HCK: variants seen among roughly 807,000 people sequenced by gnomAD.
HCK encodes the protein HCK proto-oncogene, Src family tyrosine kinase, also known as tyrosine-protein kinase HCK.
Under a neutral mutation model 70.4 loss-of-function variants are expected in HCK, and 40 were observed. That is an observed-to-expected ratio of 0.57 (90% CI 0.44 to 0.74). The LOEUF (loss-of-function observed/expected upper bound fraction) is 0.74, where lower values mean the gene tolerates loss of function less well. Ranked by LOEUF, HCK falls within the 30% of genes least tolerant of loss-of-function variation. The pLI, the probability that HCK is intolerant of heterozygous loss-of-function variation, is 0.00. For missense variants in HCK, 568 were observed against 697.2 expected (o/e 0.81, Z 2.09); for synonymous variants, 245 against 263.2 (o/e 0.93, Z 0.67).
intron 1 of HCK, among the ~76,000 whole-genome samples, chr20:32,053,036 GGCCCCAGACCACACT>G (rs534899838): frequency 1.1e-3 from 172 of 152,220 alleles, no homozygotes; most frequent in African/African-American, 4.0e-3. Context: ...CAAACCTCCT[GGCCCCAGACCACACT>G]GCATGCATGC....
chr20:32,094,811 A>AGGAAAGAAAGAAAGAGAGAGAAAG (rs1569010819), intron 11 of HCK, among the ~76,000 whole-genome samples: 1 of 121,934 alleles, frequency 8.2e-6, no homozygotes, highest in Admixed American at 9.4e-5. Flanking sequence ...GAAAGAAAGA[A>AGGAAAGAAAGAAAGAGAGAGAAAG]AGAAAGAAAG....
chr20:32,058,544 A>AAG lies in HCK; in HGVS notation c.62+6058_62+6059insAG, dbSNP rs1555873943. ...CAAGACTCTGTCAAAAAAAAAAAAA[A>AAG]GGGGGAGAACTGAGGAGGATACTAC... On this transcript the variant is annotated intron_variant, in intron 1 of 12. Transcript: ENST00000375852. Among the ~76,000 whole-genome samples, 888 of 147,170 alleles carry AAG rather than the reference A, an allele frequency of 6.0e-3. 8 individuals carry two copies. The highest frequency in any genetic ancestry group is 0.021 in the African/African-American group (851 of 39,726).
At chr20:32,084,813 G>A (rs964039733) in intron 8 of HCK, among the ~76,000 whole-genome samples, 3 of 152,192 alleles carry the variant, frequency 2.0e-5, no homozygotes, top group African/African-American at 7.2e-5. Context: ...TCCCTCATAC[G>A]GAGTGGGGAC....
chr20:32,094,407 C>T (rs2045905489), intron 11 of HCK, among the ~76,000 whole-genome samples: 1 of 152,082 alleles, frequency 6.6e-6, no homozygotes, highest in South Asian at 2.1e-4. Context: ...TGGCCAGGCT[C>T]AGTGGCTCAC....
chr20:32,065,186 A>G (rs1160618582), intron 1 of HCK, among the ~76,000 whole-genome samples: 1 of 152,214 alleles, frequency 6.6e-6, no homozygotes, highest in Non-Finnish European at 1.5e-5. Context: ...CTGACTCCCA[A>G]GTTCAGCCTT....
intron 6 of HCK, 66 bp downstream of exon 6, chr20:32,079,943 C>G: frequency 8.4e-7 from 1 of 1,188,594 alleles, no homozygotes; most frequent in Non-Finnish European, 1.2e-6. Context: ...GGCCACCACC[C>G]TTTCCTTGGA....
Position 32,071,959 on chromosome 20 carries a change from T to C in HCK, c.183+177T>C, listed in dbSNP as rs1400901430. 9 of 718,152 alleles carry C rather than the reference T, an allele frequency of 1.3e-5. No individual in the cohort carries two copies. In the South Asian group the frequency reaches 1.6e-4, roughly 13 times the overall value. The allele number at this position is 718,152 out of a possible 1,614,324, so 44.5% of individuals were successfully genotyped here. A position where few individuals can be genotyped will look rare whatever the true frequency, so the allele number is the denominator to read the frequency against. ...GGGACGCAGCGCCAGCCAGCATGCA[T>C]AGGGGCAAAGAAGTCATCTCTCTTT... On this transcript the variant is annotated intron_variant, in intron 2 of 12. Transcript: ENST00000375852.
rs535317958 is a variant in HCK at position 32,060,993 on chromosome 20, G to GT, written c.62+8515dup. ...TGTAGTTGTTGTTCTGTTTTATTTT[G>GT]TTTTTTTTGAGACAGAGTCTTGCTC... On this transcript the variant is annotated intron_variant, in intron 1 of 12. Transcript: ENST00000375852. Among the ~76,000 whole-genome samples, 791 of 151,526 alleles carry GT rather than the reference G, an allele frequency of 5.2e-3. 3 individuals are homozygous for GT. Among genetic ancestry groups the GT allele is most frequent in the African/African-American group, 0.014 (561 of 41,318 alleles).
chr20:32,098,597 G>A (rs1453845449), intron 11 of HCK, among the ~76,000 whole-genome samples: 2 of 152,174 alleles, frequency 1.3e-5, no homozygotes, highest in Non-Finnish European at 2.9e-5. Flanking sequence ...TGGGCTGAGA[G>A]CCAGAATCCT....
Position 32,084,485 on chromosome 20 carries a change from G to A in HCK, c.777G>A (p.Arg259=), listed in dbSNP as rs1321135596. Residue 259 remains arginine, a synonymous_variant, in exon 8 of 13, where the codon CGG becomes CGA. Transcript: ENST00000375852. Reference sequence around the variant, plus strand: ...AGAAAGATGCCTGGGAGATCCCTCGGGAATCCCTCAAGCTGGAGAAGAAAC... The same window carrying A: ...AGAAAGATGCCTGGGAGATCCCTCGAGAATCCCTCAAGCTGGAGAAGAAAC... 9.9e-6 allele frequency: 16 copies of A among 1,614,004 alleles called. No individual in the cohort carries two copies. The highest frequency in any genetic ancestry group is 1.3e-5 in the Non-Finnish European group (15 of 1,180,022).
intron 11 of HCK, among the ~76,000 whole-genome samples, chr20:32,094,338 G>A (rs1052842945): frequency 6.6e-6 from 1 of 152,130 alleles, no homozygotes; most frequent in Non-Finnish European, 1.5e-5. Context: ...CATAGCAGGA[G>A]GATGGATTGT....
chr20:32,073,470 A>G (rs1387656159), intron 3 of HCK, 109 bp downstream of exon 3: 2 of 990,170 alleles, frequency 2.0e-6, no homozygotes, highest in Non-Finnish European at 3.0e-6. Context: ...CCCTGTCGAG[A>G]ATCCCCAAAA....
At chr20:32,083,099 A>C (rs1011407827) in intron 6 of HCK, among the ~76,000 whole-genome samples, 9 of 152,096 alleles carry the variant, frequency 5.9e-5, no homozygotes, top group Non-Finnish European at 1.3e-4. Context: ...AGGCTACAGC[A>C]TTCCTTGGCT....
chr20:32,084,111 T>C, intron 7 of HCK, 68 bp downstream of exon 7: 1 of 1,533,690 alleles, frequency 6.5e-7, no homozygotes, highest in African/African-American at 1.4e-5. Context: ...ACGGATGCAC[T>C]GTGGCCCCTG....
intron 1 of HCK, among the ~76,000 whole-genome samples, chr20:32,055,393 G>A (rs2045255089): frequency 1.3e-5 from 2 of 152,154 alleles, no homozygotes; most frequent in African/African-American, 4.8e-5. Flanking sequence ...AACCTTTTGA[G>A]GGAACAATAA....
chr20:32,073,644 C>A, intron 3 of HCK, 72 bp from the exon 4 acceptor site: 1 of 1,012,030 alleles, frequency 9.9e-7, no homozygotes, highest in Non-Finnish European at 1.5e-6. Context: ...GTTCCAGGTG[C>A]CGGGTGAGGG....
chr20:32,097,985 C>T (rs780674488), intron 11 of HCK, among the ~76,000 whole-genome samples: 22 of 152,094 alleles, frequency 1.4e-4, no homozygotes, highest in Non-Finnish European at 2.8e-4. Context: ...TGAGAACAGG[C>T]TGGGTAACAT....
chr20:32,066,105 C>T (rs116038017), intron 1 of HCK, among the ~76,000 whole-genome samples: 1,698 of 152,108 alleles, frequency 0.011, 27 homozygotes, highest in African/African-American at 0.039. Context: ...CACTTTGTCA[C>T]AAGGCACTCT....
chr20:32,052,806 T>TGGGGGG (rs2045199705), intron 1 of HCK, among the ~76,000 whole-genome samples: 1 of 141,776 alleles, frequency 7.1e-6, no homozygotes, highest in Non-Finnish European at 1.6e-5. Flanking sequence ...GATTTTTTTT[T>TGGGGGG]TAATTTAAAA....
Sources: gnomAD v4.1 joint callset for allele counts (sites outside exome capture counted in the v4.1 genomes callset) on GRCh38, gnomAD v4.1.1 for gene constraint, MANE v1.5 for transcripts, NCBI Gene and HGNC (gene_info 2026-07-23, HGNC 2026-07-21) for gene names.